The following DCDC2 variants were observed in gnomAD, a reference collection of about 807,000 sequenced individuals.
DCDC2 encodes doublecortin domain-containing protein 2.
In DCDC2, 40 loss-of-function variants were observed where a neutral mutation model predicts 50.2. The observed-to-expected ratio is 0.80, with a 90% confidence interval of 0.62 to 1.04. The LOEUF (loss-of-function observed/expected upper bound fraction) is 1.04. Ranked by LOEUF, DCDC2 falls within the 50% of genes least tolerant of loss-of-function variation. The pLI is 0.00. For synonymous variants in DCDC2, 234 were observed against 210.6 expected, an observed-to-expected ratio of 1.11 and a Z score of -0.96; for missense variants, 570 against 581.9, an observed-to-expected ratio of 0.98 and a Z score of 0.21.
rs76422995 is a variant in DCDC2, at chr6:24,187,834, C to A, written c.1024-9202G>T. Among the ~76,000 whole-genome samples the A allele has an allele frequency of 6.6e-5, 10 of 152,282 alleles. No homozygotes were observed. In the East Asian group the frequency reaches 1.4e-3, roughly 21 times the overall value. The stretch of plus-strand genomic sequence containing the variant: ...ACCCAGTGCTATGGCCTAAGCACGT[C>A]ATATGCATAATCATATTTACACTAA... On this transcript the variant is annotated intron_variant, in intron 8 of 9. Transcript: ENST00000378454.
At chr6:24,290,051 T>C (rs1455594517) in intron 5 of DCDC2, among the ~76,000 whole-genome samples, 3 of 125,810 alleles carry the variant, frequency 2.4e-5, no homozygotes, top group Non-Finnish European at 4.8e-5. Flanking sequence ...TGGAGTGCAG[T>C]GGCGGGATCT....
At chr6:24,210,363 G>A (rs990762769) in intron 7 of DCDC2, among the ~76,000 whole-genome samples, 36 of 152,014 alleles carry the variant, frequency 2.4e-4, no homozygotes, top group African/African-American at 8.0e-4. Flanking sequence ...ATGTCCAATA[G>A]GCACCTCAAC....
chr6:24,230,311 C>T (rs185738743), intron 7 of DCDC2, among the ~76,000 whole-genome samples: 173 of 152,042 alleles, frequency 1.1e-3, no homozygotes, highest in Admixed American at 2.9e-3. Context: ...GGGTCTAATT[C>T]TCAATACAGT....
In DCDC2 at chr6:24,178,439, C is replaced by A; in HGVS notation, c.1217G>T (p.Gly406Val). Residue 406 changes from glycine (G) to valine (V), a missense_variant, in exon 9 of 10, where the codon GGA (glycine) becomes GTA (valine). By Grantham distance (109) the Gly-to-Val change is moderately radical (BLOSUM62 -3). Transcript: ENST00000378454. ...EQQARPARVN[G>V]GTDEENGEEL... The stretch of plus-strand genomic sequence containing the variant: ...CTCACCATTCTCCTCATCGGTGCCT[C>A]CATTTACACGAGCAGGGCGTGCCTG... 4 of 1,614,192 alleles carry A rather than the reference C, an allele frequency of 2.5e-6. No homozygotes were observed. The highest frequency in any genetic ancestry group is 1.6e-4 in the Middle Eastern group (1 of 6,062).
At chr6:24,352,565 T>C (rs1760392650) in intron 2 of DCDC2, among the ~76,000 whole-genome samples, 1 of 152,228 alleles carries the variant, frequency 6.6e-6, no homozygotes, top group Non-Finnish European at 1.5e-5. Flanking sequence ...TACCTCTTTC[T>C]ACAGATTATT....
At chr6:24,356,863 A>C (rs1304436908) in intron 1 of DCDC2, 2 of 152,278 alleles carry the variant, frequency 1.3e-5, no homozygotes, top group African/African-American at 4.8e-5. Flanking sequence ...TGCTGGAGAC[A>C]GACAGTCGAC....
rs1760857627 is a variant in DCDC2, at chr6:24,174,554, C to G, written c.*176G>C. On this transcript the variant is annotated 3_prime_UTR_variant, in exon 10 of 10. Transcript: ENST00000378454. ...CATGCAATAAAAGTAAGTAATTATC[C>G]TTTAGTAGCCATTTAAAGTTATCTG... 2.2e-6 allele frequency: 1 copy of G among 455,832 alleles called. No homozygotes were observed. The highest frequency in any genetic ancestry group is 3.9e-6 in the Non-Finnish European group (1 of 256,422). 28.2% of individuals were successfully genotyped at this position (455,832 alleles called of 1,614,324 possible). A position where few individuals can be genotyped will look rare whatever the true frequency, so the allele number is the denominator to read the frequency against.
intron 7 of DCDC2, among the ~76,000 whole-genome samples, chr6:24,206,520 T>A (rs996882651): frequency 3.3e-5 from 5 of 152,236 alleles, no homozygotes; most frequent in African/African-American, 1.2e-4. Context: ...TTATGACCTA[T>A]GCACATGACT....
intron 8 of DCDC2, among the ~76,000 whole-genome samples, chr6:24,187,945 G>A (rs765147941): frequency 1.3e-5 from 2 of 152,208 alleles, no homozygotes; most frequent in Non-Finnish European, 2.9e-5. Context: ...AGGTAAACTT[G>A]TCCAAAATTC....
intron 8 of DCDC2, among the ~76,000 whole-genome samples, chr6:24,185,910 G>A (rs1761193540): frequency 6.6e-6 from 1 of 152,084 alleles, no homozygotes; most frequent in Admixed American, 6.6e-5. Flanking sequence ...TACTGAAGAG[G>A]AATCTGGTAC....
At chr6:24,339,503 G>C (rs531724260) in intron 2 of DCDC2, among the ~76,000 whole-genome samples, 1 of 152,234 alleles carries the variant, frequency 6.6e-6, no homozygotes, top group Admixed American at 6.5e-5. Context: ...ACCAAAACGT[G>C]AGAGCCATAA....
At chr6:24,359,355 A>ATATATTTTATATTATATATATTT (rs1561789478), upstream of DCDC2, among the ~76,000 whole-genome samples, 1 of 33,500 alleles carries the variant, frequency 3.0e-5, no homozygotes, top group African/African-American at 1.7e-4. Flanking sequence ...TATATATTTT[A>ATATATTTTATATTATATATATTT]TGTATATTAT....
upstream of DCDC2, among the ~76,000 whole-genome samples, chr6:24,359,132 T>TTTATATATTATATA (rs1760579743): frequency 1.5e-5 from 1 of 65,848 alleles, no homozygotes; most frequent in Admixed American, 3.0e-4. Context: ...TATTATATAT[T>TTTATATATTATATA]TTATATATAT....
upstream of DCDC2, among the ~76,000 whole-genome samples, chr6:24,362,260 T>A (rs931038426): frequency 1.3e-5 from 2 of 149,204 alleles, no homozygotes; most frequent in African/African-American, 4.9e-5. Context: ...ATTTATACAA[T>A]TATTTTTTAT....
At chr6:24,361,189 G>A (rs756091668), upstream of DCDC2, among the ~76,000 whole-genome samples, 67 of 151,946 alleles carry the variant, frequency 4.4e-4, no homozygotes, top group Non-Finnish European at 7.8e-4. Context: ...CCAAATACCC[G>A]CATGTTCTCA....
chr6:24,354,936 G>C (rs988696420), intron 1 of DCDC2, among the ~76,000 whole-genome samples: 2 of 152,178 alleles, frequency 1.3e-5, no homozygotes, highest in African/African-American at 4.8e-5. Context: ...AGATGTTGCT[G>C]TCTTTCCCAA....
chr6:24,258,290 T>C (rs1035440370), intron 7 of DCDC2, among the ~76,000 whole-genome samples: 1 of 152,130 alleles, frequency 6.6e-6, no homozygotes, highest in Admixed American at 6.5e-5. Context: ...GGTGGCCAGC[T>C]TTTATTCCCT....
At chr6:24,361,378 G>A (rs766426135), upstream of DCDC2, among the ~76,000 whole-genome samples, 8 of 151,292 alleles carry the variant, frequency 5.3e-5, no homozygotes, top group African/African-American at 1.5e-4. Context: ...TCCGTGACAC[G>A]AGTTACCTAT....
At chr6:24,245,680 G>A (rs1043967916) in intron 7 of DCDC2, among the ~76,000 whole-genome samples, 1 of 152,220 alleles carries the variant, frequency 6.6e-6, no homozygotes, top group Non-Finnish European at 1.5e-5. Flanking sequence ...ATTTACATAT[G>A]ATGTGCAGAC....
Sources: allele counts gnomAD v4.1 joint callset (sites outside exome capture counted in the v4.1 genomes callset), GRCh38; gene constraint gnomAD v4.1.1; transcripts MANE v1.5; gene names NCBI Gene and HGNC (gene_info 2026-07-23, HGNC 2026-07-21).